The following ABTB3 variants were observed in gnomAD, a reference collection of about 807,000 sequenced individuals.
ABTB3 encodes the protein ankyrin repeat- and BTB/POZ domain-containing protein 3.
At chr12:107,361,225 C>G in the ABTB3 span, among the ~76,000 whole-genome samples, 1 of 152,158 alleles carries the variant, frequency 6.6e-6, no homozygotes, top group Non-Finnish European at 1.5e-5. Context: ...CCATCTAGAG[C>G]TAAACACTGC....
At chr12:107,573,327 T>C in the ABTB3 span, among the ~76,000 whole-genome samples, 2 of 152,196 alleles carry the variant, frequency 1.3e-5, no homozygotes, top group Non-Finnish European at 2.9e-5. Context: ...TGCAGATGTG[T>C]GTCAGTCAGG....
the ABTB3 span, among the ~76,000 whole-genome samples, chr12:107,647,743 T>A: frequency 6.6e-6 from 1 of 152,216 alleles, no homozygotes; most frequent in African/African-American, 2.4e-5. Context: ...GCCTGTTCTA[T>A]GCAGTTACTC....
chr12:107,515,945 GA>G, the ABTB3 span, among the ~76,000 whole-genome samples: 2 of 152,010 alleles, frequency 1.3e-5, no homozygotes, highest in African/African-American at 4.8e-5. Context: ...AAGTGAAAAG[GA>G]AAACAAATGA....
chr12:107,481,095 G>A, the ABTB3 span, among the ~76,000 whole-genome samples: 1 of 152,116 alleles, frequency 6.6e-6, no homozygotes, highest in African/African-American at 2.4e-5. Context: ...GTCACAACTG[G>A]GGACAGGAAT....
chr12:107,382,846 A>T, the ABTB3 span, among the ~76,000 whole-genome samples: 6 of 152,120 alleles, frequency 3.9e-5, no homozygotes, highest in Admixed American at 6.5e-5. Flanking sequence ...CCACCATGGC[A>T]TGTGTATACC....
chr12:107,612,968 G>A, the ABTB3 span: 1 of 1,069,388 alleles, frequency 9.4e-7, no homozygotes, highest in Admixed American at 2.0e-5. Context: ...GCCACTGAGG[G>A]TGCACAGTGC....
At chr12:107,553,776 TA>T in the ABTB3 span, among the ~76,000 whole-genome samples, 4 of 152,134 alleles carry the variant, frequency 2.6e-5, no homozygotes, top group Admixed American at 2.6e-4. Context: ...CCATCTCTAC[TA>T]AAAATACAAA....
At chr12:107,357,770 C>T in the ABTB3 span, among the ~76,000 whole-genome samples, 7 of 152,252 alleles carry the variant, frequency 4.6e-5, no homozygotes, top group South Asian at 1.4e-3. Flanking sequence ...TAGCACCCAA[C>T]TCCACTGTCC....
the ABTB3 span, among the ~76,000 whole-genome samples, chr12:107,538,106 G>A: frequency 0.11 from 16,415 of 152,056 alleles, 951 homozygotes; most frequent in African/African-American, 0.14. Context: ...AGATGCCAGT[G>A]GAAGGGGTGC....
chr12:107,467,747 C>T, the ABTB3 span, among the ~76,000 whole-genome samples: 1 of 152,190 alleles, frequency 6.6e-6, no homozygotes, highest in Non-Finnish European at 1.5e-5. Context: ...CTATCTCTGT[C>T]AGAGACAGGG....
At chr12:107,580,998 G>A in the ABTB3 span, 1 of 1,552,162 alleles carries the variant, frequency 6.4e-7, no homozygotes, top group African/African-American at 1.4e-5. Context: ...CACTACTCTG[G>A]AATTCAGAGG....
chr12:107,527,107 A>G, the ABTB3 span, among the ~76,000 whole-genome samples: 1 of 151,814 alleles, frequency 6.6e-6, no homozygotes, highest in Non-Finnish European at 1.5e-5. Flanking sequence ...GATGCCCTCC[A>G]TGACTGCCCC....
At chr12:107,438,458 G>A in the ABTB3 span, among the ~76,000 whole-genome samples, 82 of 152,308 alleles carry the variant, frequency 5.4e-4, no homozygotes, top group East Asian at 8.9e-3. Flanking sequence ...GTGGAGCTGT[G>A]TGTGAATACA....
At chr12:107,380,407 C>A in the ABTB3 span, among the ~76,000 whole-genome samples, 1 of 152,208 alleles carries the variant, frequency 6.6e-6, no homozygotes. Flanking sequence ...CCCGCCCACA[C>A]CAGAACTTGG....
At chr12:107,466,859 G>A in the ABTB3 span, among the ~76,000 whole-genome samples, 2 of 152,274 alleles carry the variant, frequency 1.3e-5, no homozygotes, top group South Asian at 4.2e-4. Context: ...AGAAGCATTT[G>A]AGTGGCCTTT....
the ABTB3 span, among the ~76,000 whole-genome samples, chr12:107,350,445 G>C: frequency 6.6e-6 from 1 of 151,936 alleles, no homozygotes; most frequent in East Asian, 1.9e-4. Context: ...CCCAGCTACT[G>C]GGGAGTCTGA....
chr12:107,493,560 T>C, the ABTB3 span, among the ~76,000 whole-genome samples: 1 of 152,304 alleles, frequency 6.6e-6, no homozygotes, highest in Non-Finnish European at 1.5e-5. Flanking sequence ...GGTATCTTTA[T>C]GTAGGTGCTA....
At chr12:107,643,690 T>C in the ABTB3 span, among the ~76,000 whole-genome samples, 2 of 151,704 alleles carry the variant, frequency 1.3e-5, no homozygotes, top group African/African-American at 4.8e-5. Flanking sequence ...AGGAAATGTT[T>C]GTGGAGCCAT....
At chr12:107,449,323 C>T in the ABTB3 span, among the ~76,000 whole-genome samples, 2 of 152,194 alleles carry the variant, frequency 1.3e-5, no homozygotes, top group African/African-American at 4.8e-5. Flanking sequence ...TGAAGCAGAC[C>T]TCCCAGCATC....
Sources: gnomAD v4.1 joint callset for allele counts (sites outside exome capture counted in the v4.1 genomes callset) on GRCh38, gnomAD v4.1.1 for gene constraint, MANE v1.5 for transcripts, NCBI Gene and HGNC (gene_info 2026-07-23, HGNC 2026-07-21) for gene names.